NDEL1: variants seen among roughly 807,000 people sequenced by gnomAD.
NDEL1 encodes the protein nuclear distribution protein nudE-like 1.
A neutral mutation model predicts 45.7 loss-of-function variants in NDEL1; 9 were observed. That is an observed-to-expected ratio of 0.20 (90% CI 0.12 to 0.34). NDEL1 has a LOEUF of 0.34. Among genes scored for constraint, NDEL1 ranks in the 10% least tolerant of loss-of-function variants. The pLI is 1.00. For synonymous variants in NDEL1, 133 were observed against 158.6 expected (o/e 0.84, Z 1.21); for missense variants, 306 against 406.2 (o/e 0.75, Z 2.12).
chr17:8,464,300 T>A (rs1212349843), intron 8 of NDEL1: 1 of 152,238 alleles, frequency 6.6e-6, no homozygotes. Context: ...GCCTGCCCCA[T>A]CACTCTTCCT....
At chr17:8,430,251 TG>T (rs1377756209) in intron 1 of NDEL1, among the ~76,000 whole-genome samples, 3 of 152,150 alleles carry the variant, frequency 2.0e-5, no homozygotes. Flanking sequence ...GGCCAGTCAG[TG>T]GGTGTCCCTT....
chr17:8,449,819 G>T (rs1272386794), intron 5 of NDEL1, among the ~76,000 whole-genome samples: 1 of 152,138 alleles, frequency 6.6e-6, no homozygotes, highest in Non-Finnish European at 1.5e-5. Context: ...TTGCTATTGC[G>T]AATGATACCG....
intron 1 of NDEL1, among the ~76,000 whole-genome samples, chr17:8,415,636 A>G (rs927464566): frequency 6.6e-6 from 1 of 151,818 alleles, no homozygotes; most frequent in African/African-American, 2.4e-5. Flanking sequence ...GGGCTTCACC[A>G]TGTTGCCTAG....
chr17:8,442,777 C>CTTTTTTTTTTTTTT (rs34963430), intron 1 of NDEL1, among the ~76,000 whole-genome samples: 2 of 84,122 alleles, frequency 2.4e-5, no homozygotes, highest in Non-Finnish European at 4.3e-5. Flanking sequence ...TATTTATTTA[C>CTTTTTTTTTTTTTT]TTTTTTTTTT....
At chr17:8,440,278 G>A (rs1452677546) in intron 1 of NDEL1, among the ~76,000 whole-genome samples, 1 of 152,140 alleles carries the variant, frequency 6.6e-6, no homozygotes, top group Non-Finnish European at 1.5e-5. Flanking sequence ...AGCACTTTGG[G>A]AGGCCGAGGA....
At chr17:8,456,619 C>G (rs1020968516) in intron 7 of NDEL1, among the ~76,000 whole-genome samples, 6 of 151,724 alleles carry the variant, frequency 4.0e-5, no homozygotes, top group Non-Finnish European at 7.4e-5. Context: ...CTGCATCAGC[C>G]TCCTGAGTAG....
chr17:8,413,275 T>C (rs886285171), intron 1 of NDEL1: 2 of 152,288 alleles, frequency 1.3e-5, no homozygotes, highest in Non-Finnish European at 2.9e-5. Context: ...ACCAGGTACA[T>C]TGGGAGGAAA....
At chr17:8,462,519 ATGT>A (rs1291491971) in intron 8 of NDEL1, among the ~76,000 whole-genome samples, 2 of 152,106 alleles carry the variant, frequency 1.3e-5, no homozygotes, top group East Asian at 3.9e-4. Context: ...AAAAACCAAG[ATGT>A]TGTGTAGCAG....
At position 8,456,284 on chromosome 17, in the gene NDEL1, G is replaced by A. The variant is rs189964927; in HGVS notation, c.792+1397G>A. On this transcript the variant is annotated intron_variant, in intron 7 of 8. Coordinates refer to ENST00000334527, the MANE Select transcript of NDEL1 (RefSeq NM_030808.5). ...ACAGGTCGTTCCTACAGTACATAGAGTAATCTTTCTTCACTCCCAAGATAA... is the reference window on the plus strand; with the variant it reads ...ACAGGTCGTTCCTACAGTACATAGAATAATCTTTCTTCACTCCCAAGATAA... Among the ~76,000 whole-genome samples, 36 of 152,240 alleles carry A rather than the reference G, an allele frequency of 2.4e-4. No homozygotes were observed. In the East Asian group the frequency reaches 6.6e-3, roughly 28 times the overall value.
upstream of NDEL1, chr17:8,435,714 A>G (rs999257611): frequency 5.7e-5 from 19 of 331,838 alleles, no homozygotes; most frequent in African/African-American, 3.5e-4. Flanking sequence ...CGCCTGCGCA[A>G]GAGGACGCCT....
chr17:8,463,536 G>C (rs1348862947), intron 8 of NDEL1, among the ~76,000 whole-genome samples: 1 of 152,214 alleles, frequency 6.6e-6, no homozygotes, highest in Non-Finnish European at 1.5e-5. Flanking sequence ...TATTAGTTCA[G>C]CTGTGAGAAA....
rs117208437 is a variant in NDEL1, at chr17:8,457,457, A to G, written c.793-2552A>G. Reference sequence around the variant, plus strand: ...ACATTCAGCTGACAATCCGTCTTCTAAGAGTTATCAAAATAACGACCTCCA... The same window carrying G: ...ACATTCAGCTGACAATCCGTCTTCTGAGAGTTATCAAAATAACGACCTCCA... On this transcript the variant is annotated intron_variant, in intron 7 of 8. Transcript: ENST00000334527. 7.7e-4 allele frequency among the ~76,000 whole-genome samples: 117 copies of G among 152,360 alleles called. 4 individuals are homozygous for G. In the East Asian group the frequency reaches 0.018, roughly 24 times the overall value.
intron 3 of NDEL1, 32 bp downstream of exon 3, chr17:8,445,896 G>GC: frequency 7.1e-7 from 1 of 1,399,934 alleles, no homozygotes. Flanking sequence ...GGGGTCTAAT[G>GC]TGTTGAGTTT....
Position 8,450,944 on chromosome 17 carries a change from T to G in NDEL1, c.691T>G (p.Ser231Ala). Residue 231 changes from serine (S) to alanine (A), a missense_variant, in exon 6 of 9, where the codon TCA (serine) becomes GCA (alanine). Transcript: ENST00000334527. ...CAAAGGAACGGAGAACACTTTTCCT[T>G]CACCGAAAGGTTTGTAATGTCTTTT... ...VGKGTENTFP[S>A]PKAIPNGFGT... 6.2e-7 allele frequency: 1 copy of G among 1,609,666 alleles called. No homozygotes were observed. Among genetic ancestry groups the G allele is most frequent in the Non-Finnish European group, 8.5e-7 (1 of 1,178,712 alleles).
At chr17:8,439,742 G>T (rs1436212732) in intron 1 of NDEL1, among the ~76,000 whole-genome samples, 2 of 152,162 alleles carry the variant, frequency 1.3e-5, no homozygotes, top group Non-Finnish European at 2.9e-5. Context: ...ATACTTGAAA[G>T]GTCTGCTATC....
intron 7 of NDEL1, 37 bp from the exon 8 acceptor site, chr17:8,459,971 GT>G (rs1250507101): frequency 2.5e-6 from 4 of 1,585,714 alleles, no homozygotes; most frequent in Non-Finnish European, 3.4e-6. Context: ...TGCAGCTACT[GT>G]TTTGACAACC....
At chr17:8,442,696 T>C (rs1260855187) in intron 1 of NDEL1, among the ~76,000 whole-genome samples, 5 of 151,828 alleles carry the variant, frequency 3.3e-5, no homozygotes, top group Non-Finnish European at 7.4e-5. Context: ...AAGATTTTTT[T>C]TTTTTTTTGC....
chr17:8,429,659 T>C (rs995655054), intron 1 of NDEL1, among the ~76,000 whole-genome samples: 9 of 152,122 alleles, frequency 5.9e-5, no homozygotes, highest in African/African-American at 2.2e-4. Flanking sequence ...ACCATGCTGG[T>C]GGGTCTGGCC....
intron 1 of NDEL1, chr17:8,413,335 C>G (rs1908467335): frequency 1.3e-5 from 2 of 152,372 alleles, no homozygotes; most frequent in African/African-American, 4.8e-5. Context: ...CTGAGAGATG[C>G]CAGAATGGGG....
Sources: gnomAD v4.1 joint callset for allele counts (sites outside exome capture counted in the v4.1 genomes callset) on GRCh38, gnomAD v4.1.1 for gene constraint, MANE v1.5 for transcripts, NCBI Gene and HGNC (gene_info 2026-07-23, HGNC 2026-07-21) for gene names.